Variants in PIK3CB observed in about 807,000 individuals in gnomAD.
PIK3CB encodes the protein phosphatidylinositol 4,5-bisphosphate 3-kinase catalytic subunit beta isoform.
In PIK3CB, 39 loss-of-function variants were observed where a neutral mutation model predicts 136.8. The ratio of observed to expected loss-of-function variants is 0.29; its 90% CI spans 0.22 to 0.37. PIK3CB has a LOEUF of 0.37. PIK3CB is among the 10% of genes least tolerant of loss of function. The pLI is 1.00. For synonymous variants in PIK3CB, 428 were observed against 436.6 expected, an observed-to-expected ratio of 0.98 and a Z score of 0.25; for missense variants, 868 against 1,275.4, an observed-to-expected ratio of 0.68 and a Z score of 4.87.
intron 1 of PIK3CB, among the ~76,000 whole-genome samples, chr3:138,800,076 A>G (rs2046155678): frequency 6.6e-6 from 1 of 152,040 alleles, no homozygotes; most frequent in Non-Finnish European, 1.5e-5. Context: ...GCTCTTGTAC[A>G]TGCTGTTCTT....
intron 1 of PIK3CB, among the ~76,000 whole-genome samples, chr3:138,810,376 T>C (rs924657722): frequency 6.6e-6 from 1 of 152,104 alleles, no homozygotes. Context: ...AGTAACTTTA[T>C]AGCAGGGAAA....
At chr3:138,761,579 G>C (rs1422246215) in intron 2 of PIK3CB, among the ~76,000 whole-genome samples, 3 of 152,158 alleles carry the variant, frequency 2.0e-5, no homozygotes, top group Admixed American at 2.0e-4. Flanking sequence ...AGGCCAGCCT[G>C]GCCAATATGG....
chr3:138,709,853 G>C (rs2044458827), intron 10 of PIK3CB, among the ~76,000 whole-genome samples: 1 of 151,992 alleles, frequency 6.6e-6, no homozygotes. Context: ...ATATTTTATT[G>C]TATTGTGAAA....
In PIK3CB at chr3:138,737,896, GA is replaced by G; in HGVS notation, c.622-11del. The G allele has an allele frequency of 1.3e-6, 2 of 1,554,690 alleles. No homozygotes were observed. The highest frequency in any genetic ancestry group is 8.7e-7 in the Non-Finnish European group (1 of 1,144,448). ...GAAAGCTAAACACGTCCTGAAGGGGGAGGGAGATGGGGAAAAAAGCAGTAAA... is the reference window on the plus strand; with the variant it reads ...GAAAGCTAAACACGTCCTGAAGGGGGGGGAGATGGGGAAAAAAGCAGTAAA... On this transcript the variant is annotated splice_polypyrimidine_tract_variant and intron_variant, in intron 5 of 23. Coordinates refer to ENST00000674063, the MANE Select transcript of PIK3CB (RefSeq NM_006219.3).
intron 1 of PIK3CB, among the ~76,000 whole-genome samples, chr3:138,803,142 A>C (rs2046195666): frequency 6.6e-6 from 1 of 152,304 alleles, no homozygotes; most frequent in Admixed American, 6.5e-5. Flanking sequence ...ACTGTAAACA[A>C]ACACCCACTG....
rs1302363395 is a variant in PIK3CB, at chr3:138,737,220, C to G, written c.801+487G>C. Among the ~76,000 whole-genome samples the G allele has an allele frequency of 2.6e-5, 4 of 151,460 alleles. No individual in the cohort carries two copies. In the East Asian group the frequency reaches 7.8e-4, roughly 29 times the overall value. On this transcript the variant is annotated intron_variant, in intron 6 of 23. Coordinates refer to ENST00000674063, the MANE Select transcript of PIK3CB (RefSeq NM_006219.3). ...CCAGCTTGGCCAAGATGGTGAAACC[C>G]CATCTCTACTAAAAATACAAAAAGA...
rs776210981 is a variant in PIK3CB, at chr3:138,699,091, C to T, written c.1586G>A (p.Arg529Gln). 3.9e-6 allele frequency: 6 copies of T among 1,540,274 alleles called. No individual in the cohort carries two copies. The highest frequency in any genetic ancestry group is 4.4e-6 in the Non-Finnish European group (5 of 1,132,200). ...TACAGGAAGAAACTTTTTTCCACCT[C>T]GACTCTAAAAAAGTAAAATGCTCAT... ...ASSDSANVSS[R>Q]GGKKFLPVLK... Residue 529 changes from arginine (R) to glutamine (Q), a missense_variant, in exon 13 of 24, where the codon CGA (arginine) becomes CAA (glutamine). Arg to Gln is a conservative substitution (Grantham distance 43). Coordinates refer to ENST00000674063, the MANE Select transcript of PIK3CB (RefSeq NM_006219.3).
chr3:138,675,330 C>T (rs144868400), intron 19 of PIK3CB, among the ~76,000 whole-genome samples: 107 of 151,844 alleles, frequency 7.0e-4, no homozygotes, highest in African/African-American at 2.5e-3. Flanking sequence ...TAGAACACCA[C>T]CAAGCAAAGC....
rs564216236 is a variant in PIK3CB, at chr3:138,669,376, C to T, written c.2505-4173G>A. 3.4e-3 allele frequency among the ~76,000 whole-genome samples: 426 copies of T among 125,944 alleles called. 5 individuals are homozygous for T. The highest frequency in any genetic ancestry group is 0.011 in the African/African-American group (358 of 31,962). 82.6% of individuals were successfully genotyped at this position (125,944 alleles called of 152,430 possible). ...TGAACCATGATTGTGCTACTGCACT[C>T]CAGCTGGGGTGATACAGTGAGACCC... On this transcript the variant is annotated intron_variant, in intron 19 of 23. Coordinates refer to ENST00000674063, the MANE Select transcript of PIK3CB (RefSeq NM_006219.3).
chr3:138,765,779 A>G (rs1451136796), intron 2 of PIK3CB, among the ~76,000 whole-genome samples: 1 of 151,902 alleles, frequency 6.6e-6, no homozygotes, highest in East Asian at 2.0e-4. Context: ...ACCTGAGCCC[A>G]GGAGGTTGAG....
At chr3:138,776,153 G>A (rs1486592052) in intron 2 of PIK3CB, among the ~76,000 whole-genome samples, 1 of 152,032 alleles carries the variant, frequency 6.6e-6, no homozygotes, top group Non-Finnish European at 1.5e-5. Flanking sequence ...AGTGGAGATT[G>A]CACCATTGCA....
intron 15 of PIK3CB, 126 bp from the exon 16 acceptor site, chr3:138,689,100 T>C (rs551479679): frequency 1.6e-6 from 1 of 624,518 alleles, no homozygotes; most frequent in Admixed American, 2.6e-5. Context: ...TGCATTATTA[T>C]TTCCTTCCTC....
At chr3:138,743,130 T>C (rs1187325161) in intron 4 of PIK3CB, among the ~76,000 whole-genome samples, 2 of 152,160 alleles carry the variant, frequency 1.3e-5, no homozygotes, top group African/African-American at 2.4e-5. Flanking sequence ...CAAGTATTAA[T>C]AAATCACATT....
chr3:138,783,876 C>CA (rs1446749517), intron 2 of PIK3CB, among the ~76,000 whole-genome samples: 3 of 151,604 alleles, frequency 2.0e-5, no homozygotes, highest in South Asian at 2.1e-4. Context: ...ATGAATCCAA[C>CA]AAAAAAAATT....
At chr3:138,718,205 T>C (rs1458305719) in intron 8 of PIK3CB, among the ~76,000 whole-genome samples, 2 of 152,246 alleles carry the variant, frequency 1.3e-5, no homozygotes, top group Non-Finnish European at 2.9e-5. Flanking sequence ...TTTTTGACTT[T>C]TTAACAATAG....
intron 19 of PIK3CB, among the ~76,000 whole-genome samples, chr3:138,677,681 G>C (rs148608568): frequency 9.8e-5 from 15 of 152,314 alleles, no homozygotes; most frequent in African/African-American, 3.6e-4. Context: ...CGGATCACCT[G>C]AAGTCGGGAG....
At chr3:138,827,443 C>A (rs537919735) in intron 1 of PIK3CB, among the ~76,000 whole-genome samples, 2 of 151,504 alleles carry the variant, frequency 1.3e-5, no homozygotes, top group Non-Finnish European at 2.9e-5. Context: ...TGGCTTGAGG[C>A]CAAGAGCATG....
chr3:138,758,883 G>C (rs2045619681), intron 3 of PIK3CB, among the ~76,000 whole-genome samples: 1 of 152,048 alleles, frequency 6.6e-6, no homozygotes, highest in African/African-American at 2.4e-5. Context: ...AGGGGGAAGA[G>C]AAGAAAAAGG....
At chr3:138,679,222 A>C (rs1024481367) in intron 19 of PIK3CB, among the ~76,000 whole-genome samples, 1 of 152,254 alleles carries the variant, frequency 6.6e-6, no homozygotes, top group Non-Finnish European at 1.5e-5. Context: ...GTTTAATGAG[A>C]ATATAGATCT....
Sources: gnomAD v4.1 joint callset for allele counts (sites outside exome capture counted in the v4.1 genomes callset) on GRCh38, gnomAD v4.1.1 for gene constraint, MANE v1.5 for transcripts, NCBI Gene and HGNC (gene_info 2026-07-23, HGNC 2026-07-21) for gene names.